Variants in ZBTB20 observed in about 807,000 individuals in gnomAD.
ZBTB20 encodes zinc finger and BTB domain containing 20.
In ZBTB20, 9 loss-of-function variants were observed where a neutral mutation model predicts 56.9. That is an observed-to-expected ratio of 0.16 (90% CI 0.10 to 0.28). ZBTB20 has a LOEUF of 0.28. Ranked by LOEUF, ZBTB20 falls within the 10% of genes least tolerant of loss-of-function variation. ZBTB20 has a pLI of 1.00. For synonymous variants in ZBTB20, 417 were observed against 420.7 expected, an observed-to-expected ratio of 0.99 and a Z score of 0.11; for missense variants, 655 against 1,003.0, an observed-to-expected ratio of 0.65 and a Z score of 4.69.
chr3:114,987,964 G>A (rs62265050), intron 2 of ZBTB20, among the ~76,000 whole-genome samples: 119 of 152,004 alleles, frequency 7.8e-4, no homozygotes, highest in Non-Finnish European at 9.3e-4. Flanking sequence ...GGTAAGTCTT[G>A]TCTAGGTACA....
intron 6 of ZBTB20, among the ~76,000 whole-genome samples, chr3:114,682,833 G>C (rs1043272223): frequency 1.3e-5 from 2 of 152,180 alleles, no homozygotes; most frequent in African/African-American, 4.8e-5. Context: ...ACTCTCAGTA[G>C]AGTATGTGTT....
intron 6 of ZBTB20, among the ~76,000 whole-genome samples, chr3:114,608,959 C>T (rs148581224): frequency 1.1e-4 from 17 of 152,262 alleles, no homozygotes; most frequent in African/African-American, 3.9e-4. Flanking sequence ...AAAGAAACCA[C>T]CATATTTGAG....
At chr3:114,917,195 C>CATTCTTCTGGGTGTCAA (rs1560396188) in intron 3 of ZBTB20, among the ~76,000 whole-genome samples, 2 of 152,136 alleles carry the variant, frequency 1.3e-5, no homozygotes, top group African/African-American at 4.8e-5. Context: ...GCATTTTTCA[C>CATTCTTCTGGGTGTCAA]CTCCAGAATT....
At chr3:114,903,965 T>C (rs1165826241) in intron 3 of ZBTB20, among the ~76,000 whole-genome samples, 1 of 152,032 alleles carries the variant, frequency 6.6e-6, no homozygotes, top group Non-Finnish European at 1.5e-5. Flanking sequence ...CTAGTCCTTA[T>C]TTGTGTTTTG....
intron 3 of ZBTB20, among the ~76,000 whole-genome samples, chr3:114,905,017 T>C (rs2075269619): frequency 6.6e-6 from 1 of 151,934 alleles, no homozygotes; most frequent in Non-Finnish European, 1.5e-5. Context: ...TGAAAGAATT[T>C]AATATCAAAT....
intron 6 of ZBTB20, among the ~76,000 whole-genome samples, chr3:114,569,570 A>G (rs2110356783): frequency 6.6e-6 from 1 of 152,336 alleles, no homozygotes; most frequent in Non-Finnish European, 1.5e-5. Context: ...CCAGTTAAGA[A>G]CTAATAGTTC....
chr3:114,408,004 T>G (rs1374076016), intron 7 of ZBTB20, among the ~76,000 whole-genome samples: 2 of 152,128 alleles, frequency 1.3e-5, no homozygotes, highest in African/African-American at 4.8e-5. Flanking sequence ...CTGAAGAAAC[T>G]CTATCTGTTA....
chr3:114,576,619 A>T (rs1448608802), intron 6 of ZBTB20, among the ~76,000 whole-genome samples: 1 of 150,774 alleles, frequency 6.6e-6, no homozygotes, highest in African/African-American at 2.4e-5. Context: ...ATGAAACAGC[A>T]TCCTAAATTT....
chr3:114,554,909 T>C (rs892429608), intron 6 of ZBTB20, among the ~76,000 whole-genome samples: 1 of 152,162 alleles, frequency 6.6e-6, no homozygotes, highest in Non-Finnish European at 1.5e-5. Flanking sequence ...CCTCTCTGGT[T>C]ACAGTGGCAG....
At chr3:114,748,334 C>T (rs867135623) in intron 5 of ZBTB20, among the ~76,000 whole-genome samples, 3,846 of 56,894 alleles carry the variant, frequency 0.068, 103 homozygotes, top group African/African-American at 0.088. Flanking sequence ...TTCTTTCTTT[C>T]TTCTTTCTTT....
At chr3:114,873,904 T>C (rs1322938708) in intron 4 of ZBTB20, 1 of 152,344 alleles carries the variant, frequency 6.6e-6, no homozygotes, top group African/African-American at 2.4e-5. Flanking sequence ...AAAATGAAAT[T>C]GTTCCAGGTT....
intron 3 of ZBTB20, chr3:114,930,690 G>C: frequency 5.0e-6 from 1 of 199,212 alleles, no homozygotes; most frequent in Non-Finnish European, 1.1e-5. Context: ...TTTGGGAACA[G>C]TAAAATGGTT....
chr3:114,585,023 T>C (rs978384249), intron 6 of ZBTB20, among the ~76,000 whole-genome samples: 2 of 151,874 alleles, frequency 1.3e-5, no homozygotes, highest in Admixed American at 6.6e-5. Flanking sequence ...CAAAACACCA[T>C]AGGGGGCAAT....
chr3:114,553,443 T>C (rs1203008402), intron 6 of ZBTB20, among the ~76,000 whole-genome samples: 1 of 152,158 alleles, frequency 6.6e-6, no homozygotes, highest in Non-Finnish European at 1.5e-5. Flanking sequence ...ATCTGAAAAA[T>C]TGGGATTTTG....
intron 1 of ZBTB20, among the ~76,000 whole-genome samples, chr3:115,105,250 CT>C (rs140115415): frequency 0.019 from 2,948 of 152,204 alleles, 103 homozygotes; most frequent in African/African-American, 0.067. Flanking sequence ...GTTCTAAGTA[CT>C]TTTTATTTCT....
chr3:114,357,534 A>G (rs1001220669), intron 10 of ZBTB20, among the ~76,000 whole-genome samples: 1 of 152,212 alleles, frequency 6.6e-6, no homozygotes, highest in African/African-American at 2.4e-5. Flanking sequence ...AGAATACTTA[A>G]AAGTATTTAA....
At chr3:114,949,488 T>A (rs2076990688) in intron 3 of ZBTB20, among the ~76,000 whole-genome samples, 1 of 146,258 alleles carries the variant, frequency 6.8e-6, no homozygotes, top group Non-Finnish European at 1.5e-5. Context: ...AACTATAAGG[T>A]CAGGCGCGGC....
chr3:114,812,193 C>T (rs555667333), intron 4 of ZBTB20, among the ~76,000 whole-genome samples: 9 of 152,286 alleles, frequency 5.9e-5, no homozygotes, highest in Admixed American at 3.3e-4. Context: ...CGGCAGCCTG[C>T]TTTCATTCTC....
chr3:114,369,612 T>A (rs896145570), intron 10 of ZBTB20, among the ~76,000 whole-genome samples: 1 of 152,210 alleles, frequency 6.6e-6, no homozygotes, highest in Non-Finnish European at 1.5e-5. Context: ...ACAGGTGGGA[T>A]TGGCCTTTGG....
Sources: allele counts gnomAD v4.1 joint callset (sites outside exome capture counted in the v4.1 genomes callset), GRCh38; gene constraint gnomAD v4.1.1; transcripts MANE v1.5; gene names NCBI Gene and HGNC (gene_info 2026-07-23, HGNC 2026-07-21).